Variants in SGIP1 observed in about 807,000 individuals in gnomAD.
SGIP1 encodes the protein SH3-containing GRB2-like protein 3-interacting protein 1.
In SGIP1, 38 loss-of-function variants were observed where a neutral mutation model predicts 107.5. The observed-to-expected ratio is 0.35, with a 90% CI of 0.27 to 0.46. The LOEUF (loss-of-function observed/expected upper bound fraction) is 0.46, where lower values mean the gene tolerates loss of function less well. Ranked by LOEUF, SGIP1 falls within the 20% of genes least tolerant of loss-of-function variation. The probability of loss-of-function intolerance (pLI) is 1.00; values close to 1 mark genes in which losing one functional copy is unlikely to be tolerated. For missense variants in SGIP1, 929 were observed against 1,019.5 expected (o/e 0.91, Z 1.21); for synonymous variants, 365 against 366.1 (o/e 1.00, Z 0.03).
intron 1 of SGIP1, among the ~76,000 whole-genome samples, chr1:66,610,257 G>A (rs941527836): frequency 2.6e-5 from 4 of 152,162 alleles, no homozygotes; most frequent in African/African-American, 9.6e-5. Flanking sequence ...ATGAGTTTGT[G>A]TTCTCTCTAG....
Position 66,739,500 on chromosome 1 carries a change from G to C in SGIP1, c.2197G>C (p.Val733Leu). ...VQFLVPIDGG[V>L]TKLQAVLPPA... is the part of the protein sequence containing the mutation. ...GTTCCTGGTCCCCATCGACGGAGGA[G>C]TCACCAAGCTCCAGGCAGTGCTCCC... The change falls in exon 22 of 25, where the codon GTC (valine) becomes CTC (leucine). Residue 733 changes from valine to leucine, a missense_variant. This residue lies in a region of SGIP1 where 341 missense variants were observed against 430.9 expected (regional missense o/e 0.79). Transcript: ENST00000371037. 1 of 1,614,102 alleles carries C rather than the reference G, an allele frequency of 6.2e-7. No individual in the cohort carries two copies. The highest frequency in any genetic ancestry group is 8.5e-7 in the Non-Finnish European group (1 of 1,180,018).
chr1:66,656,522 T>C (rs1288205331), intron 7 of SGIP1, among the ~76,000 whole-genome samples: 1 of 152,224 alleles, frequency 6.6e-6, no homozygotes, highest in African/African-American at 2.4e-5. Flanking sequence ...CATTGCACTA[T>C]GACATCACTA....
At chr1:66,672,140 C>T in intron 11 of SGIP1, 145 bp downstream of exon 11, 1 of 721,648 alleles carries the variant, frequency 1.4e-6, no homozygotes, top group Non-Finnish European at 2.4e-6. Context: ...ACAGCATGGT[C>T]CAAATATGTT....
At chr1:66,710,444 A>C (rs919581511) in intron 18 of SGIP1, among the ~76,000 whole-genome samples, 5 of 152,202 alleles carry the variant, frequency 3.3e-5, no homozygotes, top group Admixed American at 1.3e-4. Context: ...AATTTACATA[A>C]ACTAATGAAA....
intron 12 of SGIP1, among the ~76,000 whole-genome samples, chr1:66,676,559 A>T (rs534438616): frequency 6.6e-6 from 1 of 151,954 alleles, no homozygotes; most frequent in Non-Finnish European, 1.5e-5. Context: ...CAAGGATAGG[A>T]ACCACTGCAT....
At chr1:66,607,246 G>T (rs181002105) in intron 1 of SGIP1, among the ~76,000 whole-genome samples, 2 of 152,304 alleles carry the variant, frequency 1.3e-5, no homozygotes, top group East Asian at 3.9e-4. Flanking sequence ...ACACTGTTTA[G>T]TTATCTCAAA....
intron 14 of SGIP1, among the ~76,000 whole-genome samples, chr1:66,680,755 T>C (rs960842173): frequency 1.2e-4 from 18 of 152,230 alleles, no homozygotes; most frequent in African/African-American, 4.3e-4. Flanking sequence ...ATCTGTAGCC[T>C]TGGAACCTTG....
intron 5 of SGIP1, among the ~76,000 whole-genome samples, chr1:66,640,848 A>T (rs2076651601): frequency 6.6e-6 from 1 of 152,110 alleles, no homozygotes; most frequent in Admixed American, 6.6e-5. Flanking sequence ...AATGCTCAAA[A>T]AAATGGTGAG....
At chr1:66,653,079 C>A (rs528052636) in intron 7 of SGIP1, among the ~76,000 whole-genome samples, 1 of 152,162 alleles carries the variant, frequency 6.6e-6, no homozygotes, top group Non-Finnish European at 1.5e-5. Context: ...TAGAAGCCAG[C>A]CCCCTCTAGA....
intron 1 of SGIP1, among the ~76,000 whole-genome samples, chr1:66,558,727 T>G (rs2058527593): frequency 6.6e-6 from 1 of 151,862 alleles, no homozygotes; most frequent in Non-Finnish European, 1.5e-5. Flanking sequence ...GCCTTCAGTT[T>G]GTTTTTTCTC....
At chr1:66,602,810 T>C (rs942241872) in intron 1 of SGIP1, among the ~76,000 whole-genome samples, 5 of 152,194 alleles carry the variant, frequency 3.3e-5, no homozygotes, top group Non-Finnish European at 5.9e-5. Flanking sequence ...AGAGATTCTT[T>C]TCTTGTAGTA....
intron 1 of SGIP1, among the ~76,000 whole-genome samples, chr1:66,550,230 T>TTTTA: frequency 6.6e-6 from 1 of 152,188 alleles, no homozygotes; most frequent in Non-Finnish European, 1.5e-5. Context: ...TTATTTTTTA[T>TTTTA]TTTTTATATT....
rs974516986 is a variant in SGIP1 at position 66,587,116 on chromosome 1, G to T, written c.11-38731G>T. On this transcript the variant is annotated intron_variant, in intron 1 of 24. Transcript: ENST00000371037. ...GTCATTTTTTTCTGTTTTCTTTTAA[G>T]AATTTATTATTTGTATTTAATTTTC... Among the ~76,000 whole-genome samples the T allele has an allele frequency of 5.3e-5, 8 of 152,058 alleles. No homozygotes were observed. The South Asian group carries it at 8.3e-4, about 16-fold the overall frequency.
At chr1:66,614,036 T>A (rs1156498912) in intron 1 of SGIP1, among the ~76,000 whole-genome samples, 2 of 152,216 alleles carry the variant, frequency 1.3e-5, no homozygotes, top group Non-Finnish European at 2.9e-5. Context: ...ACTGGATAAT[T>A]GGTGAAGAAA....
chr1:66,550,692 A>G (rs1340679561), intron 1 of SGIP1, among the ~76,000 whole-genome samples: 1 of 152,162 alleles, frequency 6.6e-6, no homozygotes, highest in Non-Finnish European at 1.5e-5. Flanking sequence ...ATCTATAAAC[A>G]TTTATCTCAT....
At chr1:66,552,242 C>G (rs1240201006) in intron 1 of SGIP1, among the ~76,000 whole-genome samples, 1 of 152,158 alleles carries the variant, frequency 6.6e-6, no homozygotes, top group African/African-American at 2.4e-5. Context: ...CTCATCAACT[C>G]CTCTGAGTTC....
chr1:66,722,237 CT>C (rs2093573491), intron 19 of SGIP1, among the ~76,000 whole-genome samples: 4 of 152,154 alleles, frequency 2.6e-5, no homozygotes, highest in Admixed American at 2.6e-4. Flanking sequence ...GACTTGTCCC[CT>C]CATTCCCTTC....
chr1:66,690,041 A>T, intron 16 of SGIP1, 149 bp from the exon 17 acceptor site: 1 of 900,156 alleles, frequency 1.1e-6, no homozygotes, highest in Non-Finnish European at 1.7e-6. Context: ...ACTCTCATAT[A>T]GATAGAATTA....
chr1:66,735,631 T>C lies in SGIP1; in HGVS notation c.2031+1751T>C, dbSNP rs2094199484. Among the ~76,000 whole-genome samples, 3 of 23,598 alleles carry C rather than the reference T, an allele frequency of 1.3e-4. 1 individual carries two copies. The highest frequency in any genetic ancestry group is 3.2e-4 in the Non-Finnish European group (3 of 9,384). The allele number at this position is 23,598 out of a possible 152,430, so 15.5% of individuals were successfully genotyped here. A position where few individuals can be genotyped will look rare whatever the true frequency, so the allele number is the denominator to read the frequency against. Reference sequence around the variant, plus strand: ...GTCAGGAGATCGAGACCATCCTGGCTAACAAGGTGAAACCCCGTCTCTACT... The same window carrying C: ...GTCAGGAGATCGAGACCATCCTGGCCAACAAGGTGAAACCCCGTCTCTACT... On this transcript the variant is annotated intron_variant, in intron 21 of 24. Transcript: ENST00000371037.
Sources: allele counts gnomAD v4.1 joint callset (sites outside exome capture counted in the v4.1 genomes callset), GRCh38; gene constraint gnomAD v4.1.1; regional missense constraint gnomAD v4.1.1; transcripts MANE v1.5; gene names NCBI Gene and HGNC (gene_info 2026-07-23, HGNC 2026-07-21).